Variants in GALNT17 observed in about 807,000 individuals in gnomAD.
GALNT17 encodes UDP-GalNAc:polypeptide N-acetylgalactosaminyltransferase-like 3.
Under a neutral mutation model 63.7 loss-of-function variants are expected in GALNT17, and 29 were observed. The observed-to-expected ratio is 0.46, with a 90% CI of 0.34 to 0.62. The LOEUF (loss-of-function observed/expected upper bound fraction) is 0.62, where lower values mean the gene tolerates loss of function less well. GALNT17 is among the 20% of genes least tolerant of loss of function. The probability of loss-of-function intolerance (pLI) is 0.01; values close to 1 mark genes in which losing one functional copy is unlikely to be tolerated. For missense variants in GALNT17, 603 were observed against 799.6 expected, an observed-to-expected ratio of 0.75 and a Z score of 2.97; for synonymous variants, 305 against 318.3, an observed-to-expected ratio of 0.96 and a Z score of 0.45.
At chr7:71,593,393 A>G (rs566958812) in intron 6 of GALNT17, among the ~76,000 whole-genome samples, 18 of 151,202 alleles carry the variant, frequency 1.2e-4, no homozygotes, top group Middle Eastern at 3.4e-3. Flanking sequence ...AGCCTCTCGA[A>G]TAGCTGGGAT....
chr7:71,526,579 G>A (rs1788628336), intron 5 of GALNT17, among the ~76,000 whole-genome samples: 1 of 152,092 alleles, frequency 6.6e-6, no homozygotes, highest in African/African-American at 2.4e-5. Flanking sequence ...GAGTGCAGTG[G>A]CACGATCTTG....
intron 5 of GALNT17, among the ~76,000 whole-genome samples, chr7:71,432,380 A>G (rs1786883123): frequency 6.6e-6 from 1 of 152,182 alleles, no homozygotes; most frequent in Non-Finnish European, 1.5e-5. Flanking sequence ...TCACATAGGC[A>G]TGGAGAGCCT....
At chr7:71,401,737 G>A (rs1244801007) in intron 3 of GALNT17, among the ~76,000 whole-genome samples, 2 of 152,166 alleles carry the variant, frequency 1.3e-5, no homozygotes, top group African/African-American at 4.8e-5. Flanking sequence ...CCTATGATCT[G>A]TCACTGTGTC....
chr7:71,551,421 C>A (rs1789073724), intron 5 of GALNT17, among the ~76,000 whole-genome samples: 1 of 152,056 alleles, frequency 6.6e-6, no homozygotes, highest in Non-Finnish European at 1.5e-5. Context: ...TCTGATAGTT[C>A]CAGTATCTGG....
chr7:71,238,735 G>A (rs143582638), intron 1 of GALNT17, among the ~76,000 whole-genome samples: 8 of 152,188 alleles, frequency 5.3e-5, no homozygotes, highest in Non-Finnish European at 5.9e-5. Flanking sequence ...TGGTGGCCCC[G>A]TGGGGGTCTC....
At chr7:71,635,012 G>A (rs1019444663) in intron 6 of GALNT17, among the ~76,000 whole-genome samples, 3 of 151,878 alleles carry the variant, frequency 2.0e-5, no homozygotes, top group Admixed American at 1.3e-4. Context: ...TTCAAGACCA[G>A]CCTGGCCAAC....
intron 1 of GALNT17, among the ~76,000 whole-genome samples, chr7:71,288,037 C>A (rs1464514986): frequency 2.5e-5 from 3 of 117,678 alleles, no homozygotes; most frequent in African/African-American, 1.2e-4. Flanking sequence ...GGTGACAGAG[C>A]GAGACTGTCT....
intron 5 of GALNT17, among the ~76,000 whole-genome samples, chr7:71,422,597 G>C (rs532263611): frequency 6.6e-6 from 1 of 152,362 alleles, no homozygotes; most frequent in African/African-American, 2.4e-5. Context: ...CATGCAGATG[G>C]GTAGGTTGCG....
chr7:71,534,112 A>T (rs971578172), intron 5 of GALNT17, among the ~76,000 whole-genome samples: 1 of 152,162 alleles, frequency 6.6e-6, no homozygotes, highest in Middle Eastern at 3.2e-3. Flanking sequence ...GTCTGTTCTC[A>T]TGCTACTAAT....
At chr7:71,276,700 T>C (rs1374216637) in intron 1 of GALNT17, among the ~76,000 whole-genome samples, 2 of 152,164 alleles carry the variant, frequency 1.3e-5, no homozygotes, top group Non-Finnish European at 2.9e-5. Context: ...CTCTTTTCTT[T>C]ATAAATTACC....
chr7:71,254,385 A>G (rs1017410252), intron 1 of GALNT17, among the ~76,000 whole-genome samples: 1 of 152,166 alleles, frequency 6.6e-6, no homozygotes. Flanking sequence ...AGGATTCTCT[A>G]CAGAATGTAG....
chr7:71,355,626 A>T (rs1052843217), intron 2 of GALNT17, among the ~76,000 whole-genome samples: 3 of 151,536 alleles, frequency 2.0e-5, no homozygotes, highest in South Asian at 2.1e-4. Flanking sequence ...TCTGCTTCCC[A>T]GGTTCAAGCA....
chr7:71,232,226 C>T (rs763840237), intron 1 of GALNT17, among the ~76,000 whole-genome samples: 3 of 152,114 alleles, frequency 2.0e-5, no homozygotes, highest in Non-Finnish European at 4.4e-5. Context: ...TCCCTGAGGC[C>T]TACACATTTC....
At chr7:71,612,790 C>G (rs1418848827) in intron 6 of GALNT17, among the ~76,000 whole-genome samples, 1 of 152,218 alleles carries the variant, frequency 6.6e-6, no homozygotes, top group Admixed American at 6.5e-5. Context: ...CATCCAAGCT[C>G]CTAGTTTATT....
intron 2 of GALNT17, among the ~76,000 whole-genome samples, chr7:71,357,816 G>A (rs1366417874): frequency 6.6e-6 from 1 of 152,124 alleles, no homozygotes; most frequent in African/African-American, 2.4e-5. Flanking sequence ...ACCAATCAGC[G>A]CCCTGTAGCT....
At chr7:71,261,979 G>T (rs1790393212) in intron 1 of GALNT17, among the ~76,000 whole-genome samples, 1 of 152,068 alleles carries the variant, frequency 6.6e-6, no homozygotes, top group Non-Finnish European at 1.5e-5. Context: ...GCACTGAGGG[G>T]GTCTACATCT....
chr7:71,146,000 G>A (rs754873303), intron 1 of GALNT17, among the ~76,000 whole-genome samples: 5 of 152,044 alleles, frequency 3.3e-5, no homozygotes, highest in African/African-American at 9.7e-5. Flanking sequence ...GCCACCGTAC[G>A]GGGCCCGTAT....
chr7:71,540,226 C>T (rs1788867280), intron 5 of GALNT17, among the ~76,000 whole-genome samples: 1 of 147,356 alleles, frequency 6.8e-6, no homozygotes, highest in Admixed American at 7.0e-5. Flanking sequence ...AAGTGACTCT[C>T]CCATCTCAGC....
chr7:71,444,121 T>C (rs2116527136), intron 5 of GALNT17, among the ~76,000 whole-genome samples: 1 of 152,334 alleles, frequency 6.6e-6, no homozygotes, highest in Admixed American at 6.5e-5. Context: ...CTTGCCCTGC[T>C]GGCATTCCCA....
Sources: gnomAD v4.1 joint callset for allele counts (sites outside exome capture counted in the v4.1 genomes callset) on GRCh38, gnomAD v4.1.1 for gene constraint, MANE v1.5 for transcripts, NCBI Gene and HGNC (gene_info 2026-07-23, HGNC 2026-07-21) for gene names.